ACOT7: variants seen among roughly 807,000 people sequenced by gnomAD.
ACOT7 encodes acyl-CoA thioesterase 7.
A neutral mutation model predicts 40.2 loss-of-function variants in ACOT7; 12 were observed. That is an observed-to-expected ratio of 0.30 (90% CI 0.19 to 0.48). The LOEUF (loss-of-function observed/expected upper bound fraction) is 0.48, where lower values mean the gene tolerates loss of function less well. ACOT7 is among the 20% of genes least tolerant of loss of function. ACOT7 has a pLI of 0.99. For missense variants in ACOT7, 395 were observed against 530.8 expected (o/e 0.74, Z 2.51); for synonymous variants, 228 against 219.5 (o/e 1.04, Z -0.34).
intron 6 of ACOT7, among the ~76,000 whole-genome samples, chr1:6,309,779 C>G (rs1021755966): frequency 1.3e-5 from 2 of 152,146 alleles, no homozygotes; most frequent in Non-Finnish European, 2.9e-5. Flanking sequence ...ATTTTGTAAA[C>G]GCTCCCCTGG....
At chr1:6,296,014 C>T (rs926444464) in intron 6 of ACOT7, among the ~76,000 whole-genome samples, 1 of 152,136 alleles carries the variant, frequency 6.6e-6, no homozygotes, top group African/African-American at 2.4e-5. Context: ...AGGTGATCCT[C>T]CTACTTCAGC....
intron 3 of ACOT7, among the ~76,000 whole-genome samples, chr1:6,336,686 T>C (rs1641113188): frequency 1.3e-5 from 2 of 152,144 alleles, no homozygotes; most frequent in African/African-American, 4.8e-5. Flanking sequence ...TACCCCTATC[T>C]TTCAGAGGTC....
At chr1:6,381,240 T>G (rs1486542518) in intron 1 of ACOT7, among the ~76,000 whole-genome samples, 19 of 151,904 alleles carry the variant, frequency 1.3e-4, no homozygotes, top group Admixed American at 1.2e-3. Context: ...CACAAGGATA[T>G]GTATATAACA....
Position 6,338,022 on chromosome 1 carries a change from A to G in ACOT7, c.418+1411T>C, listed in dbSNP as rs1329991781. Among the ~76,000 whole-genome samples, 1 of 148,044 alleles carries G rather than the reference A, an allele frequency of 6.8e-6. No individual in the cohort carries two copies. Among genetic ancestry groups the G allele is most frequent in the Non-Finnish European group, 1.5e-5 (1 of 67,438 alleles). On this transcript the variant is annotated intron_variant, in intron 3 of 8. Transcript: ENST00000361521. The surrounding 1 kb of genome is among the most constrained non-coding windows in gnomAD (Gnocchi z 4.4). ...TCTCAAAAAAAAAAAAAAAAAAAAA[A>G]AGAAACCTGCTCTTCAGGGCTTCCT...
Position 6,385,393 on chromosome 1 carries a change from C to T in ACOT7, c.143+7864G>A, listed in dbSNP as rs1642418540. The T allele has an allele frequency of 1.8e-5, 25 of 1,402,776 alleles. 1 individual carries two copies. The highest frequency in any genetic ancestry group is 2.4e-5 in the Non-Finnish European group (25 of 1,028,362). The allele number at this position is 1,402,776 out of a possible 1,614,324, so 86.9% of individuals were successfully genotyped here. ...TCATCCAACACCCGACCCTACTACC[C>T]TCCCCAAAACTCCTCCAAGTTATGC... On this transcript the variant is annotated intron_variant, in intron 1 of 8. Transcript: ENST00000361521.
chr1:6,308,287 C>T (rs1640222652), intron 6 of ACOT7, among the ~76,000 whole-genome samples: 1 of 150,790 alleles, frequency 6.6e-6, no homozygotes, highest in South Asian at 2.1e-4. Context: ...GGAACAGCCA[C>T]AGGCAGAGGG....
At chr1:6,328,803 C>T (rs1640876882) in intron 4 of ACOT7, among the ~76,000 whole-genome samples, 1 of 152,234 alleles carries the variant, frequency 6.6e-6, no homozygotes, top group Non-Finnish European at 1.5e-5. Context: ...TCACTCACTG[C>T]CCTGCTGTGC....
In ACOT7 at chr1:6,352,564, C is replaced by T. The variant is rs552646120; in HGVS notation, c.144-2698G>A. Among the ~76,000 whole-genome samples the T allele has an allele frequency of 3.3e-5, 5 of 152,008 alleles. No individual in the cohort carries two copies. Among genetic ancestry groups the T allele is most frequent in the South Asian group, 4.2e-4 (2 of 4,818 alleles). On this transcript the variant is annotated intron_variant, in intron 1 of 8. Transcript: ENST00000361521. This position sits in a 1 kb window ranked among gnomAD's most constrained non-coding sequence, Gnocchi z 4.5. ...AGCCAGGGAGCCAGGGAAGCTGCTG[C>T]GTCTCACTGGAGACTTCGTTTTCCC...
intron 1 of ACOT7, among the ~76,000 whole-genome samples, chr1:6,363,676 A>T (rs1460696608): frequency 2.0e-5 from 3 of 151,764 alleles, no homozygotes; most frequent in Non-Finnish European, 4.4e-5. Flanking sequence ...TGCACATGTG[A>T]CCCACGTGAC....
chr1:6,281,328 C>G (rs1365717095), intron 7 of ACOT7, 42 bp from the exon 8 acceptor site: 5 of 1,575,020 alleles, frequency 3.2e-6, no homozygotes, highest in Non-Finnish European at 4.3e-6. Flanking sequence ...GCCTCCACCC[C>G]ACGGCTGGGC....
At position 6,393,687 on chromosome 1, in the gene ACOT7, G is replaced by A. The variant is rs1302527631; in HGVS notation, c.-288C>T. 2 of 225,346 alleles carry A rather than the reference G, an allele frequency of 8.9e-6. No homozygotes were observed. The highest frequency in any genetic ancestry group is 1.7e-5 in the Non-Finnish European group (2 of 116,340). 14.0% of individuals were successfully genotyped at this position (225,346 alleles called of 1,614,324 possible). The stretch of plus-strand genomic sequence containing the variant: ...CCGCGCCCGACCCGGTGGCAGCCCC[G>A]AGGGAAGCGTCTGGGGCGGCCTAAG... On this transcript the variant is annotated 5_prime_UTR_variant, in exon 1 of 9. Coordinates refer to ENST00000361521, the MANE Select transcript of ACOT7 (RefSeq NM_007274.4).
chr1:6,339,015 A>C (rs1041802097), intron 3 of ACOT7, among the ~76,000 whole-genome samples: 1 of 152,194 alleles, frequency 6.6e-6, no homozygotes, highest in Non-Finnish European at 1.5e-5. Flanking sequence ...AGGAGCAAGC[A>C]CTGTCCTCTC....
At chr1:6,360,738 C>T in intron 1 of ACOT7, 1 of 1,597,322 alleles carries the variant, frequency 6.3e-7, no homozygotes, top group Non-Finnish European at 8.6e-7. Flanking sequence ...AATACTGTGC[C>T]CTTTGGACTT....
chr1:6,380,109 C>T (rs796562461), intron 1 of ACOT7, among the ~76,000 whole-genome samples: 5 of 151,538 alleles, frequency 3.3e-5, no homozygotes, highest in African/African-American at 1.2e-4. Context: ...CAAATCACAT[C>T]GGAAATAGCC....
chr1:6,300,477 C>T (rs918209616), intron 6 of ACOT7, among the ~76,000 whole-genome samples: 1 of 152,044 alleles, frequency 6.6e-6, no homozygotes, highest in Non-Finnish European at 1.5e-5. Flanking sequence ...TCCACAAACA[C>T]GGAATCTCAC....
At position 6,359,894 on chromosome 1, in the gene ACOT7, G is replaced by C. The variant is rs1641849992; in HGVS notation, c.144-10028C>G. Among the ~76,000 whole-genome samples, 1 of 152,166 alleles carries C rather than the reference G, an allele frequency of 6.6e-6. No homozygotes were observed. The highest frequency in any genetic ancestry group is 6.5e-5 in the Admixed American group (1 of 15,276). On this transcript the variant is annotated intron_variant, in intron 1 of 8. Coordinates refer to ENST00000361521, the MANE Select transcript of ACOT7 (RefSeq NM_007274.4). This position sits in a 1 kb window ranked among gnomAD's most constrained non-coding sequence, Gnocchi z 4.1. ...GTTTAGTTGTGAAAGAGAAAGTTAGGGCAGAGAGGGCTGATTAGGCCACTC... is the reference window on the plus strand; with the variant it reads ...GTTTAGTTGTGAAAGAGAAAGTTAGCGCAGAGAGGGCTGATTAGGCCACTC...
At position 6,294,497 on chromosome 1, in the gene ACOT7, G is replaced by T. The variant is rs1247865616; in HGVS notation, c.829+367C>A. Among the ~76,000 whole-genome samples the T allele has an allele frequency of 6.6e-6, 1 of 152,222 alleles. No individual in the cohort carries two copies. The highest frequency in any genetic ancestry group is 2.4e-5 in the African/African-American group (1 of 41,458). On this transcript the variant is annotated intron_variant, in intron 7 of 8. Transcript: ENST00000361521. This position sits in a 1 kb window ranked among gnomAD's most constrained non-coding sequence, Gnocchi z 4.6. ...CTGACCCTGCCACTGCCTAAATCAT[G>T]AATCATTAATTCCGCTCCCAAAATG... is the stretch of plus-strand genomic sequence containing the variant.
At chr1:6,389,035 C>G (rs533466247) in intron 1 of ACOT7, among the ~76,000 whole-genome samples, 2 of 149,692 alleles carry the variant, frequency 1.3e-5, no homozygotes, top group African/African-American at 4.9e-5. Context: ...AGTGAGACTC[C>G]GTCTCAAGAA....
chr1:6,314,504 G>A (rs1022485621), intron 6 of ACOT7, among the ~76,000 whole-genome samples: 4 of 152,064 alleles, frequency 2.6e-5, no homozygotes, highest in African/African-American at 9.6e-5. Context: ...CAGGGCTACC[G>A]GCTGACCCCC....
Sources: allele counts gnomAD v4.1 joint callset (sites outside exome capture counted in the v4.1 genomes callset), GRCh38; gene constraint gnomAD v4.1.1; non-coding constraint Gnocchi (gnomAD v3.1); transcripts MANE v1.5; gene names NCBI Gene and HGNC (gene_info 2026-07-23, HGNC 2026-07-21).